The following MEIOSIN variants were observed in gnomAD, a reference collection of about 807,000 sequenced individuals.
MEIOSIN encodes the protein meiosis initiator.
A neutral mutation model predicts 23.4 loss-of-function variants in MEIOSIN; 18 were observed. That is an observed-to-expected ratio of 0.77 (90% CI 0.53 to 1.14). The LOEUF is 1.14. Among genes scored for constraint, MEIOSIN ranks in the 50% most tolerant of loss-of-function variants. MEIOSIN has a pLI of 0.00. For synonymous variants in MEIOSIN, 187 were observed against 100.6 expected (o/e 1.86, Z -5.14); for missense variants, 428 against 242.9 (o/e 1.76, Z -5.07).
chr19:45,735,298 G>A (rs1002954896), intron 1 of MEIOSIN, 79 bp from the exon 2 acceptor site: 1 of 690,430 alleles, frequency 1.4e-6, no homozygotes, highest in South Asian at 1.5e-5. Context: ...TAGGGAAGAT[G>A]AAGGGTGCCC....
intron 11 of MEIOSIN, among the ~76,000 whole-genome samples, chr19:45,760,198 T>G (rs1443738311): frequency 1.3e-5 from 2 of 149,320 alleles, no homozygotes; most frequent in African/African-American, 4.9e-5. Context: ...CTGGGCGCGG[T>G]GGCTCACACC....
chr19:45,737,953 A>G (rs1968436958), intron 2 of MEIOSIN, among the ~76,000 whole-genome samples: 1 of 150,768 alleles, frequency 6.6e-6, no homozygotes, highest in Non-Finnish European at 1.5e-5. Context: ...ACAGGGTCTC[A>G]CCATGCTGCC....
At chr19:45,749,373 CAAAAA>C (rs750228351) in intron 4 of MEIOSIN, among the ~76,000 whole-genome samples, 1 of 55,660 alleles carries the variant, frequency 1.8e-5, no homozygotes, top group Non-Finnish European at 3.2e-5. Flanking sequence ...GACCCTGTCT[CAAAAA>C]AAAAAAAAAA....
intron 4 of MEIOSIN, 42 bp from the exon 5 acceptor site, chr19:45,750,633 A>T: frequency 4.0e-6 from 2 of 498,388 alleles, no homozygotes; most frequent in Non-Finnish European, 7.2e-6. Flanking sequence ...TGCTGTGATT[A>T]CAGGCGTGAG....
chr19:45,760,572 C>T lies in MEIOSIN; in HGVS notation c.1245+1082C>T, dbSNP rs1350722962. On this transcript the variant is annotated intron_variant, in intron 11 of 14. Coordinates refer to ENST00000457052, the MANE Select transcript of MEIOSIN (RefSeq NM_001310124.2). Reference sequence around the variant, plus strand: ...AGTAAGCCAAGATGGCACCGTTGGACTGCAGCCTGGGCAACAAGAGCGAAA... The same window carrying T: ...AGTAAGCCAAGATGGCACCGTTGGATTGCAGCCTGGGCAACAAGAGCGAAA... 8.6e-5 allele frequency among the ~76,000 whole-genome samples: 13 copies of T among 151,162 alleles called. 1 individual carries two copies. In the Admixed American group the frequency reaches 8.6e-4, roughly 10 times the overall value.
At chr19:45,735,293 A>T (rs1462968706) in intron 1 of MEIOSIN, 84 bp from the exon 2 acceptor site, 1 of 686,136 alleles carries the variant, frequency 1.5e-6, no homozygotes. Context: ...CATCATAGGG[A>T]AGATGAAGGG....
At position 45,735,892 on chromosome 19, in the gene MEIOSIN, G is replaced by T. The variant is rs537564053; in HGVS notation, c.71+445G>T. Among the ~76,000 whole-genome samples the T allele has an allele frequency of 4.5e-4, 69 of 152,238 alleles. 1 individual carries two copies. The South Asian group carries it at 7.7e-3, about 17-fold the overall frequency. On this transcript the variant is annotated intron_variant, in intron 2 of 14. Coordinates refer to ENST00000457052, the MANE Select transcript of MEIOSIN (RefSeq NM_001310124.2). ...GGGTTTTGCCATTTTCCCCAGGCTA[G>T]TCTTCAACTCCTGGCTTCAAGTGAT...
intron 2 of MEIOSIN, among the ~76,000 whole-genome samples, chr19:45,736,109 G>A (rs1409984728): frequency 6.6e-6 from 1 of 152,094 alleles, no homozygotes; most frequent in East Asian, 1.9e-4. Flanking sequence ...TGGCATCATA[G>A]CTCACTATAG....
rs1226395014 is a variant in MEIOSIN at position 45,753,248 on chromosome 19, A to C, written c.419-403A>C. On this transcript the variant is annotated intron_variant, in intron 5 of 14. Transcript: ENST00000457052. ...TGTGGATAGAAGTGAGTAAACCTAG[A>C]AGATGTTAATGAGGAAGAATCGAGA... Among the ~76,000 whole-genome samples the C allele has an allele frequency of 2.6e-5, 4 of 152,144 alleles. No homozygotes were observed. The East Asian group carries it at 7.7e-4, about 29-fold the overall frequency.
Position 45,753,732 on chromosome 19 carries a change from C to T in MEIOSIN, c.500C>T (p.Ser167Phe), listed in dbSNP as rs1968759924. ...TCCAGCTCCCCAAGCTCTCAGAAGTCCTGTCTCCAGGGGGCGTGCCAGAAG... is the reference window on the plus strand; with the variant it reads ...TCCAGCTCCCCAAGCTCTCAGAAGTTCTGTCTCCAGGGGGCGTGCCAGAAG... ...TPSSSPSSQK[S>F]CLQGACQKPR... The change falls in exon 6 of 15, where the codon TCC becomes TTC. Residue 167 changes from serine to phenylalanine, a missense_variant. Ser to Phe is a radical substitution (Grantham distance 155, BLOSUM62 -2). Coordinates refer to ENST00000457052, the MANE Select transcript of MEIOSIN (RefSeq NM_001310124.2). The T allele has an allele frequency of 1.4e-6, 1 of 702,844 alleles. No homozygotes were observed. The highest frequency in any genetic ancestry group is 1.5e-5 in the South Asian group (1 of 67,610). 43.5% of individuals were successfully genotyped at this position (702,844 alleles called of 1,614,324 possible).
At chr19:45,741,475 G>A (rs1050054279) in intron 3 of MEIOSIN, among the ~76,000 whole-genome samples, 15 of 152,160 alleles carry the variant, frequency 9.9e-5, no homozygotes, top group African/African-American at 3.4e-4. Context: ...ATTTTCATGA[G>A]CCCCTAAAAG....
intron 5 of MEIOSIN, among the ~76,000 whole-genome samples, chr19:45,753,179 T>C (rs1968749238): frequency 6.6e-6 from 1 of 152,140 alleles, no homozygotes; most frequent in African/African-American, 2.4e-5. Flanking sequence ...TTCGGAGTGA[T>C]CTAGACGGGA....
At chr19:45,760,009 C>T (rs1282201762) in intron 11 of MEIOSIN, among the ~76,000 whole-genome samples, 1 of 151,476 alleles carries the variant, frequency 6.6e-6, no homozygotes, top group Non-Finnish European at 1.5e-5. Context: ...CCATGTTGGC[C>T]AGGCTGGTCT....
intron 4 of MEIOSIN, among the ~76,000 whole-genome samples, 160 bp downstream of exon 4, chr19:45,745,481 C>A (rs75300785): frequency 0.026 from 3,945 of 152,172 alleles, 167 homozygotes; most frequent in African/African-American, 0.09. Flanking sequence ...AGTCTGTGAT[C>A]CCATAACTAG....
At chr19:45,735,980 T>A (rs992076029) in intron 2 of MEIOSIN, among the ~76,000 whole-genome samples, 1 of 151,904 alleles carries the variant, frequency 6.6e-6, no homozygotes, top group African/African-American at 2.4e-5. Flanking sequence ...CCCAGCCCAT[T>A]TCTTTTTTTA....
intron 3 of MEIOSIN, among the ~76,000 whole-genome samples, chr19:45,744,005 C>A (rs57342591): frequency 2.0e-5 from 3 of 151,612 alleles, no homozygotes; most frequent in African/African-American, 4.8e-5. Flanking sequence ...ACACTTGCCA[C>A]TTAGCATTTA....
At chr19:45,734,474 A>T (rs944748658) in intron 1 of MEIOSIN, among the ~76,000 whole-genome samples, 2 of 152,190 alleles carry the variant, frequency 1.3e-5, no homozygotes. Context: ...TCTCAGTATT[A>T]GAATTTAGGG....
intron 1 of MEIOSIN, among the ~76,000 whole-genome samples, chr19:45,734,657 C>T (rs531139395): frequency 2.0e-5 from 3 of 151,050 alleles, no homozygotes; most frequent in African/African-American, 7.3e-5. Flanking sequence ...GCATGTGCCA[C>T]TATGCCCAGG....
intron 4 of MEIOSIN, among the ~76,000 whole-genome samples, chr19:45,745,691 T>G: frequency 6.6e-6 from 1 of 152,134 alleles, no homozygotes; most frequent in East Asian, 1.9e-4. Flanking sequence ...TTGAGAGTCC[T>G]GAGTAGCTGG....
Sources: allele counts gnomAD v4.1 joint callset (sites outside exome capture counted in the v4.1 genomes callset), GRCh38; gene constraint gnomAD v4.1.1; transcripts MANE v1.5; gene names NCBI Gene and HGNC (gene_info 2026-07-23, HGNC 2026-07-21).